Variants in CPQ observed in about 807,000 individuals in gnomAD.
The protein encoded by CPQ is carboxypeptidase Q.
A neutral mutation model predicts 45.7 loss-of-function variants in CPQ; 37 were observed. The ratio of observed to expected loss-of-function variants is 0.81; its 90% CI spans 0.62 to 1.07. The LOEUF (loss-of-function observed/expected upper bound fraction) is 1.07. CPQ is among the 50% of genes least tolerant of loss of function. CPQ has a pLI of 0.00. For missense variants in CPQ, 537 were observed against 572.9 expected (o/e 0.94, Z 0.64); for synonymous variants, 186 against 205.8 (o/e 0.90, Z 0.82).
At chr8:96,818,805 G>T (rs1459548343) in intron 2 of CPQ, among the ~76,000 whole-genome samples, 1 of 152,124 alleles carries the variant, frequency 6.6e-6, no homozygotes, top group Non-Finnish European at 1.5e-5. Context: ...CAAGTTTTTG[G>T]CAGAGATGCT....
At chr8:97,122,961 TAAAATA>T (rs1811746445) in intron 7 of CPQ, among the ~76,000 whole-genome samples, 12 of 59,478 alleles carry the variant, frequency 2.0e-4, no homozygotes, top group Non-Finnish European at 2.4e-4. Context: ...TAAAATAAAA[TAAAATA>T]AAATAAAATA....
intron 1 of CPQ, among the ~76,000 whole-genome samples, chr8:96,679,663 G>A (rs1258299243): frequency 6.6e-6 from 1 of 151,696 alleles, no homozygotes; most frequent in East Asian, 1.9e-4. Flanking sequence ...GTGACCAGGA[G>A]TTATCCATTT....
chr8:96,684,625 T>C (rs1253420969), intron 1 of CPQ, among the ~76,000 whole-genome samples: 1 of 152,168 alleles, frequency 6.6e-6, no homozygotes, highest in Non-Finnish European at 1.5e-5. Context: ...AGGGTAGCCC[T>C]GTCTTCAGGC....
chr8:96,745,704 T>C (rs1450974951), intron 1 of CPQ, among the ~76,000 whole-genome samples: 3 of 152,202 alleles, frequency 2.0e-5, no homozygotes, highest in African/African-American at 4.8e-5. Context: ...CCTTGTTCTT[T>C]TTACTGAATT....
Position 96,879,861 on chromosome 8 carries a change from G to A in CPQ, c.705G>A (p.Thr235=), listed in dbSNP as rs372113350. ...CCAAGATTCCAACAGCCTGTATTAC[G>A]GTGGAAGATGCAGAAATGATGTCAA... ...GVPKIPTACI[T]VEDAEMMSRM... is the part of the protein sequence containing the mutation. The change falls in exon 4 of 8, where the codon ACG becomes ACA. Residue 235 remains threonine, a synonymous_variant. Transcript: ENST00000220763. The A allele has an allele frequency of 9.3e-6, 15 of 1,613,922 alleles. No individual in the cohort carries two copies. Among genetic ancestry groups the A allele is most frequent in the Middle Eastern group, 3.3e-4 (2 of 6,084 alleles).
At chr8:97,140,179 T>C (rs1301739664) in intron 7 of CPQ, among the ~76,000 whole-genome samples, 2 of 145,900 alleles carry the variant, frequency 1.4e-5, no homozygotes, top group Non-Finnish European at 3.1e-5. Flanking sequence ...TAGACAAATG[T>C]AATTTCCATA....
At chr8:97,085,446 G>T (rs184406536) in intron 7 of CPQ, among the ~76,000 whole-genome samples, 29 of 151,380 alleles carry the variant, frequency 1.9e-4, no homozygotes, top group African/African-American at 7.0e-4. Flanking sequence ...TCTTTCTTTT[G>T]GATCTCTTCC....
intron 3 of CPQ, among the ~76,000 whole-genome samples, chr8:96,852,547 G>T (rs1056141553): frequency 6.6e-6 from 1 of 151,970 alleles, no homozygotes. Flanking sequence ...ATCCCATCTC[G>T]CCCTCTTCCT....
intron 4 of CPQ, among the ~76,000 whole-genome samples, chr8:96,894,616 G>C (rs1350766741): frequency 6.6e-6 from 1 of 152,180 alleles, no homozygotes; most frequent in African/African-American, 2.4e-5. Flanking sequence ...GAGTGACTTT[G>C]AGTCTGCAAG....
chr8:96,854,199 T>C (rs1307341834), intron 3 of CPQ, among the ~76,000 whole-genome samples: 1 of 152,038 alleles, frequency 6.6e-6, no homozygotes, highest in East Asian at 1.9e-4. Flanking sequence ...AAGGATAACA[T>C]TGAGTCACCC....
At chr8:96,894,876 C>T (rs964453386) in intron 4 of CPQ, among the ~76,000 whole-genome samples, 1 of 152,194 alleles carries the variant, frequency 6.6e-6, no homozygotes, top group Admixed American at 6.5e-5. Flanking sequence ...CAGGATTTCA[C>T]TGCACCAATT....
intron 1 of CPQ, among the ~76,000 whole-genome samples, chr8:96,699,743 A>T (rs2130744462): frequency 6.6e-6 from 1 of 152,240 alleles, no homozygotes; most frequent in East Asian, 1.9e-4. Flanking sequence ...GAGGACAAAG[A>T]GACATCAAGC....
At chr8:97,115,826 C>G (rs12334323) in intron 7 of CPQ, among the ~76,000 whole-genome samples, 17,571 of 152,110 alleles carry the variant, frequency 0.12, 1,718 homozygotes, top group African/African-American at 0.26. Context: ...GCTTCACACA[C>G]TAAAGAAATG....
At chr8:96,971,854 T>G (rs1247797403) in intron 5 of CPQ, among the ~76,000 whole-genome samples, 1 of 152,142 alleles carries the variant, frequency 6.6e-6, no homozygotes, top group Non-Finnish European at 1.5e-5. Context: ...CTTGAAGAAA[T>G]TGTGAAGAAG....
intron 1 of CPQ, among the ~76,000 whole-genome samples, chr8:96,689,862 T>C (rs1250178123): frequency 6.6e-6 from 1 of 152,174 alleles, no homozygotes; most frequent in African/African-American, 2.4e-5. Flanking sequence ...AATTTTACTT[T>C]TGCTATAATC....
intron 2 of CPQ, among the ~76,000 whole-genome samples, chr8:96,807,523 G>A (rs573468945): frequency 5.3e-4 from 80 of 152,178 alleles, no homozygotes; most frequent in African/African-American, 1.8e-3. Flanking sequence ...TTGAGCCACC[G>A]CGCCCGGCTG....
intron 4 of CPQ, among the ~76,000 whole-genome samples, chr8:96,881,802 C>T (rs974969950): frequency 5.3e-5 from 8 of 152,158 alleles, no homozygotes; most frequent in Non-Finnish European, 1.2e-4. Flanking sequence ...TTAGGTAAGG[C>T]ACATCAAATA....
intron 4 of CPQ, among the ~76,000 whole-genome samples, chr8:96,880,518 C>G (rs578092307): frequency 1.6e-4 from 16 of 97,332 alleles, no homozygotes; most frequent in African/African-American, 5.4e-4. Flanking sequence ...AATATATGGT[C>G]ATATATATAT....
chr8:97,074,656 A>G (rs1049778149), intron 7 of CPQ, among the ~76,000 whole-genome samples: 1 of 152,114 alleles, frequency 6.6e-6, no homozygotes, highest in Admixed American at 6.5e-5. Context: ...CTGTAATCCT[A>G]GCTACCCGGG....
Sources: allele counts gnomAD v4.1 joint callset (sites outside exome capture counted in the v4.1 genomes callset), GRCh38; gene constraint gnomAD v4.1.1; transcripts MANE v1.5; gene names NCBI Gene and HGNC (gene_info 2026-07-23, HGNC 2026-07-21).